ULK4: variants seen among roughly 807,000 people sequenced by gnomAD.
The protein encoded by ULK4 is inactive serine/threonine-protein kinase ULK4.
A neutral mutation model predicts 160.6 loss-of-function variants in ULK4; 133 were observed. That is an observed-to-expected ratio of 0.83 (90% CI 0.72 to 0.96). The LOEUF (loss-of-function observed/expected upper bound fraction) is 0.96, where lower values mean the gene tolerates loss of function less well. Among genes scored for constraint, ULK4 ranks in the 40% least tolerant of loss-of-function variants. The probability of loss-of-function intolerance (pLI) is 0.00; values close to 1 mark genes in which losing one functional copy is unlikely to be tolerated. For synonymous variants in ULK4, 534 were observed against 539.8 expected (o/e 0.99, Z 0.15); for missense variants, 1,580 against 1,499.5 (o/e 1.05, Z -0.89).
At chr3:41,822,175 G>A (rs78321411) in intron 18 of ULK4, among the ~76,000 whole-genome samples, 6,640 of 152,050 alleles carry the variant, frequency 0.044, 453 homozygotes, top group African/African-American at 0.15. Flanking sequence ...TCGGACTGGT[G>A]AGGAGCCCTT....
intron 13 of ULK4, among the ~76,000 whole-genome samples, chr3:41,899,879 C>G (rs1423930638): frequency 6.6e-6 from 1 of 152,036 alleles, no homozygotes; most frequent in Non-Finnish European, 1.5e-5. Context: ...GAAATGCTGT[C>G]TATCTAGAAA....
intron 22 of ULK4, among the ~76,000 whole-genome samples, chr3:41,726,759 C>A (rs1244379419): frequency 1.3e-5 from 2 of 152,058 alleles, no homozygotes; most frequent in African/African-American, 4.8e-5. Context: ...TACAAGTATG[C>A]GCCACCACGC....
At chr3:41,676,907 C>CATTTT in intron 29 of ULK4, among the ~76,000 whole-genome samples, 1 of 114,350 alleles carries the variant, frequency 8.7e-6, no homozygotes, top group Admixed American at 9.7e-5. Flanking sequence ...CCACCCCCAA[C>CATTTT]CTTTTTTTTT....
intron 27 of ULK4, among the ~76,000 whole-genome samples, chr3:41,702,771 T>C (rs2036720858): frequency 6.6e-6 from 1 of 150,996 alleles, no homozygotes. Flanking sequence ...ATAATAGTAA[T>C]AGGAGATTTA....
intron 27 of ULK4, among the ~76,000 whole-genome samples, chr3:41,690,845 G>A (rs572352136): frequency 6.6e-6 from 1 of 151,832 alleles, no homozygotes; most frequent in Non-Finnish European, 1.5e-5. Context: ...ATATGCAAAA[G>A]GGGGGTACTT....
chr3:41,491,447 AT>A (rs2084760174), intron 32 of ULK4, among the ~76,000 whole-genome samples: 1 of 152,184 alleles, frequency 6.6e-6, no homozygotes. Flanking sequence ...GCACTGGAAC[AT>A]AAGTAGAAAA....
At position 41,398,119 on chromosome 3, in the gene ULK4, G is replaced by A; in HGVS notation, c.3638C>T (p.Pro1213Leu). The change falls in exon 35 of 37, where the codon CCA (proline) becomes CTA (leucine). Residue 1213 changes from proline (P) to leucine (L), a missense_variant. Physicochemically the swap from Pro to Leu is moderately conservative, Grantham distance 98 (BLOSUM62 -3). Transcript: ENST00000301831. ...FAHLLTSKED[P>L]KEQKLLLRIL... ...CCTTAACAGAAGCTTCTGCTCCTTT[G>A]GGTCCTCCTTGGATGTCAGTAAATG... 6.2e-7 allele frequency: 1 copy of A among 1,613,296 alleles called. No individual in the cohort carries two copies.
At chr3:41,473,589 T>C (rs549081530) in intron 32 of ULK4, among the ~76,000 whole-genome samples, 1 of 141,576 alleles carries the variant, frequency 7.1e-6, no homozygotes, top group South Asian at 2.2e-4. Context: ...TTGAACCTGG[T>C]AGGCGGAGGT....
At chr3:41,481,553 C>A (rs568209379) in intron 32 of ULK4, among the ~76,000 whole-genome samples, 1 of 152,164 alleles carries the variant, frequency 6.6e-6, no homozygotes, top group Non-Finnish European at 1.5e-5. Context: ...CCTGGCCGGG[C>A]GCGGTGGCTC....
intron 31 of ULK4, among the ~76,000 whole-genome samples, chr3:41,575,704 T>C (rs2088165065): frequency 2.0e-5 from 3 of 152,246 alleles, no homozygotes; most frequent in Admixed American, 6.5e-5. Context: ...TTGGATCATA[T>C]GGTACCATTT....
At chr3:41,883,753 A>C in intron 17 of ULK4, 121 bp downstream of exon 17, 1 of 903,868 alleles carries the variant, frequency 1.1e-6, no homozygotes, top group South Asian at 1.4e-5. Context: ...TTTTAGAACG[A>C]TTGCCACAAT....
At chr3:41,250,029 A>T (rs925283674) in intron 35 of ULK4, among the ~76,000 whole-genome samples, 1 of 152,188 alleles carries the variant, frequency 6.6e-6, no homozygotes, top group African/African-American at 2.4e-5. Context: ...GTGCCTGGGG[A>T]CCTGGGAGAG....
At chr3:41,746,914 A>G (rs1454944904) in intron 22 of ULK4, among the ~76,000 whole-genome samples, 1 of 151,988 alleles carries the variant, frequency 6.6e-6, no homozygotes, top group Non-Finnish European at 1.5e-5. Flanking sequence ...TAGACTTTTC[A>G]ACAAATAACA....
chr3:41,884,217 G>A (rs75392777), intron 16 of ULK4, among the ~76,000 whole-genome samples: 4,391 of 152,118 alleles, frequency 0.029, 206 homozygotes, highest in African/African-American at 0.1. Flanking sequence ...ATAGTAAAAC[G>A]AAAAATAAAA....
At chr3:41,402,733 T>C (rs932878619) in intron 34 of ULK4, among the ~76,000 whole-genome samples, 7 of 152,326 alleles carry the variant, frequency 4.6e-5, no homozygotes, top group East Asian at 1.9e-4. Flanking sequence ...TCTTTATACA[T>C]TGATGTATTC....
chr3:41,712,569 T>C (rs1463517795), intron 25 of ULK4, among the ~76,000 whole-genome samples: 4 of 152,186 alleles, frequency 2.6e-5, no homozygotes, highest in African/African-American at 9.7e-5. Context: ...GAAAATAATA[T>C]TTATCTCCAG....
In ULK4 at chr3:41,641,379, A is replaced by C. The variant is rs1033909620; in HGVS notation, c.3071+22228T>G. 2.0e-5 allele frequency among the ~76,000 whole-genome samples: 3 copies of C among 152,216 alleles called. No individual in the cohort carries two copies. In the East Asian group the frequency reaches 5.8e-4, roughly 29 times the overall value. ...AAAGAAAACAAAAACTATGAGAATC[A>C]AGTGGAATAGTTTGCTTCAAGAAAC... On this transcript the variant is annotated intron_variant, in intron 30 of 36. Transcript: ENST00000301831.
At chr3:41,308,339 A>G (rs539775221) in intron 35 of ULK4, among the ~76,000 whole-genome samples, 1 of 152,278 alleles carries the variant, frequency 6.6e-6, no homozygotes, top group South Asian at 2.1e-4. Flanking sequence ...CAGCATCCCT[A>G]CAGACAAAAA....
intron 16 of ULK4, among the ~76,000 whole-genome samples, chr3:41,886,598 G>A (rs1409645558): frequency 4.7e-5 from 7 of 149,464 alleles, no homozygotes; most frequent in Admixed American, 3.3e-4. Flanking sequence ...TTGAGATGGA[G>A]TCTTGCTCTG....
Sources: gnomAD v4.1 joint callset for allele counts (sites outside exome capture counted in the v4.1 genomes callset) on GRCh38, gnomAD v4.1.1 for gene constraint, MANE v1.5 for transcripts, NCBI Gene and HGNC (gene_info 2026-07-23, HGNC 2026-07-21) for gene names.